Variants in STK39 observed in about 807,000 individuals in gnomAD.
The protein encoded by STK39 is STE20/SPS1-related proline-alanine-rich protein kinase.
STK39 carries 20 observed loss-of-function variants against 77.8 expected under a neutral mutation model. That is an observed-to-expected ratio of 0.26 (90% CI 0.18 to 0.37). STK39 has a LOEUF of 0.37. Among genes scored for constraint, STK39 ranks in the 10% least tolerant of loss-of-function variants. The pLI is 1.00. For synonymous variants in STK39, 246 were observed against 234.1 expected (o/e 1.05, Z -0.47); for missense variants, 479 against 656.5 (o/e 0.73, Z 2.95).
intron 10 of STK39, among the ~76,000 whole-genome samples, chr2:168,088,777 T>C (rs1401047244): frequency 2.0e-5 from 3 of 152,188 alleles, no homozygotes; most frequent in Admixed American, 6.5e-5. Flanking sequence ...TTACAGGATG[T>C]GGTAATGCCT....
chr2:168,170,061 A>C (rs6433037), intron 2 of STK39, among the ~76,000 whole-genome samples: 66,367 of 151,722 alleles, frequency 0.44, 16,724 homozygotes, highest in East Asian at 0.77. Flanking sequence ...AAACATCTGT[A>C]GCTCTGTCTT....
chr2:167,991,298 C>T (rs907331495), intron 16 of STK39, among the ~76,000 whole-genome samples: 3 of 150,908 alleles, frequency 2.0e-5, no homozygotes, highest in Non-Finnish European at 2.9e-5. Flanking sequence ...AGTTGTATGC[C>T]TGTGATTGTC....
At chr2:168,247,200 C>T (rs1217158046) in intron 1 of STK39, 28 bp downstream of exon 1, 1 of 1,183,750 alleles carries the variant, frequency 8.4e-7, no homozygotes, top group Admixed American at 4.3e-5. Context: ...CCGGCCTGTG[C>T]CGGCCCCGCC....
rs540943928 is a variant in STK39 at position 167,988,839 on chromosome 2, A to T, written c.1498+23795T>A. 7.8e-4 allele frequency among the ~76,000 whole-genome samples: 119 copies of T among 152,334 alleles called. 1 individual carries two copies. The highest frequency in any genetic ancestry group is 2.6e-4 in the Non-Finnish European group (18 of 68,040). ...CCTCTAGAAAGCATATGGAACAAAG[A>T]GGACTGAGAAGACTGGCAGCTTACC... On this transcript the variant is annotated intron_variant, in intron 16 of 17. Coordinates refer to ENST00000355999, the MANE Select transcript of STK39 (RefSeq NM_013233.3).
chr2:168,124,518 G>C (rs2105496527), intron 10 of STK39, among the ~76,000 whole-genome samples: 1 of 152,242 alleles, frequency 6.6e-6, no homozygotes, highest in South Asian at 2.1e-4. Context: ...CTCCTGCTCA[G>C]CCTCCCGAGT....
intron 10 of STK39, among the ~76,000 whole-genome samples, chr2:168,124,100 C>T (rs1477637618): frequency 6.6e-6 from 1 of 152,104 alleles, no homozygotes; most frequent in Non-Finnish European, 1.5e-5. Context: ...CACAGCGGTT[C>T]CATCCAAAGA....
intron 16 of STK39, among the ~76,000 whole-genome samples, chr2:167,997,541 G>A (rs566844267): frequency 6.6e-6 from 1 of 152,184 alleles, no homozygotes; most frequent in African/African-American, 2.4e-5. Context: ...GGCCTAGAGA[G>A]ATGAACTAAC....
At chr2:168,110,980 C>A (rs1687107074) in intron 10 of STK39, among the ~76,000 whole-genome samples, 1 of 152,050 alleles carries the variant, frequency 6.6e-6, no homozygotes, top group Non-Finnish European at 1.5e-5. Context: ...GCCTAAAATT[C>A]TTATATACCT....
chr2:168,230,991 G>C (rs1690440149), intron 1 of STK39, among the ~76,000 whole-genome samples: 1 of 152,040 alleles, frequency 6.6e-6, no homozygotes, highest in African/African-American at 2.4e-5. Context: ...CACCCTACCA[G>C]ACTCCTCTCA....
chr2:168,123,356 C>A (rs146060766), intron 10 of STK39, among the ~76,000 whole-genome samples: 1 of 152,028 alleles, frequency 6.6e-6, no homozygotes, highest in Non-Finnish European at 1.5e-5. Flanking sequence ...AGTATTACAT[C>A]GATGTTCTTT....
chr2:167,968,568 A>G (rs1249244371), intron 16 of STK39, among the ~76,000 whole-genome samples: 1 of 152,216 alleles, frequency 6.6e-6, no homozygotes, highest in Non-Finnish European at 1.5e-5. Flanking sequence ...GTGAACACGG[A>G]GTCTAATGTA....
intron 1 of STK39, among the ~76,000 whole-genome samples, chr2:168,216,860 A>G (rs1208937822): frequency 2.6e-5 from 4 of 152,118 alleles, no homozygotes; most frequent in Non-Finnish European, 5.9e-5. Context: ...CTTGGTGACT[A>G]CCTGCATACC....
At chr2:168,181,168 A>G (rs189174819) in intron 2 of STK39, among the ~76,000 whole-genome samples, 4 of 152,278 alleles carry the variant, frequency 2.6e-5, no homozygotes, top group Admixed American at 2.6e-4. Flanking sequence ...GGGATAACCA[A>G]TCAGTTAACT....
chr2:168,093,366 C>G (rs1244072768), intron 10 of STK39, among the ~76,000 whole-genome samples: 1 of 152,138 alleles, frequency 6.6e-6, no homozygotes, highest in Non-Finnish European at 1.5e-5. Context: ...TGGCAGAAGG[C>G]GTGGGAGGAG....
chr2:168,111,444 T>C (rs2105470487), intron 10 of STK39, among the ~76,000 whole-genome samples: 1 of 152,332 alleles, frequency 6.6e-6, no homozygotes, highest in Non-Finnish European at 1.5e-5. Context: ...TTTTAACTTT[T>C]TCCCAATACT....
chr2:168,023,168 A>C (rs1684610371), intron 14 of STK39, among the ~76,000 whole-genome samples: 1 of 152,078 alleles, frequency 6.6e-6, no homozygotes, highest in African/African-American at 2.4e-5. Flanking sequence ...CCCCTACCTC[A>C]GGATTCCAAA....
At chr2:168,110,581 A>C (rs532886310) in intron 10 of STK39, among the ~76,000 whole-genome samples, 1 of 152,196 alleles carries the variant, frequency 6.6e-6, no homozygotes, top group South Asian at 2.1e-4. Flanking sequence ...TCTCGGAACT[A>C]TTACTTAACA....
At chr2:168,186,032 C>G (rs1456698318) in intron 1 of STK39, among the ~76,000 whole-genome samples, 2 of 152,088 alleles carry the variant, frequency 1.3e-5, no homozygotes, top group South Asian at 2.1e-4. Context: ...GCCCTAATCC[C>G]CAATGTGACT....
chr2:168,052,368 T>C (rs1432743797), intron 14 of STK39, among the ~76,000 whole-genome samples: 1 of 152,202 alleles, frequency 6.6e-6, no homozygotes. Context: ...AAAATATCTT[T>C]AAAATAGTAG....
Sources: allele counts gnomAD v4.1 joint callset (sites outside exome capture counted in the v4.1 genomes callset), GRCh38; gene constraint gnomAD v4.1.1; transcripts MANE v1.5; gene names NCBI Gene and HGNC (gene_info 2026-07-23, HGNC 2026-07-21).